The following PCP4 variants were observed in gnomAD, a reference collection of about 807,000 sequenced individuals.
PCP4 encodes Purkinje cell protein 4.
A neutral mutation model predicts 10.0 loss-of-function variants in PCP4; 8 were observed. The ratio of observed to expected loss-of-function variants is 0.80; its 90% CI spans 0.47 to 1.45. The LOEUF (loss-of-function observed/expected upper bound fraction) is 1.45. Ranked by LOEUF, PCP4 falls within the 40% of genes most tolerant of loss-of-function variation. The pLI is 0.00. For synonymous variants in PCP4, 21 were observed against 23.0 expected (o/e 0.91, Z 0.24); for missense variants, 54 against 74.4 (o/e 0.73, Z 1.01).
intron 1 of PCP4, among the ~76,000 whole-genome samples, chr21:39,894,736 T>C (rs1218265089): frequency 6.6e-6 from 1 of 152,208 alleles, no homozygotes; most frequent in African/African-American, 2.4e-5. Context: ...TCAATGATAA[T>C]AAATAATACT....
At chr21:39,896,138 A>C (rs561622060) in intron 1 of PCP4, among the ~76,000 whole-genome samples, 2 of 152,306 alleles carry the variant, frequency 1.3e-5, no homozygotes, top group East Asian at 3.9e-4. Context: ...GGTTTCTAAA[A>C]AGTGATCTTT....
At chr21:39,881,758 C>G (rs2087376670) in intron 1 of PCP4, among the ~76,000 whole-genome samples, 1 of 152,176 alleles carries the variant, frequency 6.6e-6, no homozygotes, top group African/African-American at 2.4e-5. Context: ...CCCAGATGGA[C>G]TGAGGCATAA....
chr21:39,914,979 A>T (rs1456618954), intron 2 of PCP4, among the ~76,000 whole-genome samples: 7 of 152,200 alleles, frequency 4.6e-5, no homozygotes, highest in Non-Finnish European at 7.3e-5. Context: ...AGAAACAAAT[A>T]GACCTAGTGC....
chr21:39,916,421 G>C (rs1601187484), intron 2 of PCP4, among the ~76,000 whole-genome samples: 1 of 152,268 alleles, frequency 6.6e-6, no homozygotes, highest in South Asian at 2.1e-4. Context: ...ACTCTTGTTG[G>C]ATTTGGAAGA....
chr21:39,873,729 C>T (rs1463594445), intron 1 of PCP4, among the ~76,000 whole-genome samples: 5 of 152,124 alleles, frequency 3.3e-5, no homozygotes, highest in Non-Finnish European at 5.9e-5. Context: ...TGGGAATGTT[C>T]GATAATGGAT....
rs750306398 is a variant in PCP4 at position 39,898,570 on chromosome 21, C to T, written c.61+43C>T. On this transcript the variant is annotated intron_variant, in intron 2 of 2. Coordinates refer to ENST00000328619, the MANE Select transcript of PCP4 (RefSeq NM_006198.3). ...GTCCAAGTTCTTTCTCTTTTGCCAT[C>T]TGCAGCCCTGGGTATGCAGCAGGTG... 6 of 1,496,306 alleles carry T rather than the reference C, an allele frequency of 4.0e-6. No individual in the cohort carries two copies. The East Asian group carries it at 1.4e-4, about 34-fold the overall frequency. 92.7% of individuals were successfully genotyped at this position (1,496,306 alleles called of 1,614,324 possible).
At chr21:39,928,858 G>A (rs554832374) in intron 2 of PCP4, 126 bp from the exon 3 acceptor site, 2 of 818,454 alleles carry the variant, frequency 2.4e-6, no homozygotes, top group Non-Finnish European at 3.9e-6. Flanking sequence ...TCTTGTCCTG[G>A]GGTGTAAGTT....
intron 1 of PCP4, among the ~76,000 whole-genome samples, chr21:39,888,039 G>T (rs981360913): frequency 7.2e-5 from 11 of 152,176 alleles, no homozygotes; most frequent in African/African-American, 2.7e-4. Context: ...GGAACTGCTT[G>T]TCGAGATGCT....
chr21:39,919,135 G>A (rs1234089900), intron 2 of PCP4, among the ~76,000 whole-genome samples: 1 of 152,112 alleles, frequency 6.6e-6, no homozygotes, highest in African/African-American at 2.4e-5. Context: ...TGTCTCTTTG[G>A]CTTTCTCTGC....
intron 2 of PCP4, chr21:39,926,032 C>G (rs1014499691): frequency 3.5e-5 from 16 of 456,082 alleles, no homozygotes; most frequent in Admixed American, 3.3e-4. Flanking sequence ...ATTGGTTGTC[C>G]CTTCTCCACT....
intron 2 of PCP4, among the ~76,000 whole-genome samples, chr21:39,910,836 C>T (rs2087536354): frequency 6.6e-6 from 1 of 152,218 alleles, no homozygotes; most frequent in South Asian, 2.1e-4. Context: ...TGCCAATAAA[C>T]CTCATCCGAC....
At chr21:39,894,671 T>G (rs933044685) in intron 1 of PCP4, among the ~76,000 whole-genome samples, 1 of 152,230 alleles carries the variant, frequency 6.6e-6, no homozygotes, top group Non-Finnish European at 1.5e-5. Context: ...CAGGGTTTGC[T>G]CTGAAGCCAA....
chr21:39,884,755 G>C (rs1463085868), intron 1 of PCP4, among the ~76,000 whole-genome samples: 1 of 152,008 alleles, frequency 6.6e-6, no homozygotes, highest in Non-Finnish European at 1.5e-5. Context: ...TGGAGATCAT[G>C]CCACTGCACT....
intron 1 of PCP4, among the ~76,000 whole-genome samples, chr21:39,897,118 G>A (rs1448085573): frequency 6.6e-6 from 1 of 152,108 alleles, no homozygotes; most frequent in African/African-American, 2.4e-5. Flanking sequence ...GGCTGGGCAT[G>A]GTGGCTCATG....
chr21:39,928,007 G>A (rs945033417), intron 2 of PCP4, among the ~76,000 whole-genome samples: 1 of 152,274 alleles, frequency 6.6e-6, no homozygotes, highest in East Asian at 1.9e-4. Context: ...CTGATGTTTA[G>A]CCTTCATCAG....
At chr21:39,892,742 AGT>A (rs2087438987) in intron 1 of PCP4, among the ~76,000 whole-genome samples, 1 of 152,114 alleles carries the variant, frequency 6.6e-6, no homozygotes, top group African/African-American at 2.4e-5. Context: ...ATTGTTTTAA[AGT>A]GTACAGTTAT....
At chr21:39,879,346 C>G (rs896861480) in intron 1 of PCP4, among the ~76,000 whole-genome samples, 1 of 152,092 alleles carries the variant, frequency 6.6e-6, no homozygotes, top group South Asian at 2.1e-4. Flanking sequence ...CCAAATACCT[C>G]CTTCAAGTTC....
intron 1 of PCP4, among the ~76,000 whole-genome samples, chr21:39,893,565 C>T (rs1203610581): frequency 6.6e-6 from 1 of 152,242 alleles, no homozygotes; most frequent in Non-Finnish European, 1.5e-5. Flanking sequence ...CCTCCTGTGG[C>T]CCCTCCAGAG....
chr21:39,910,840 A>G (rs1335992920), intron 2 of PCP4, among the ~76,000 whole-genome samples: 1 of 152,154 alleles, frequency 6.6e-6, no homozygotes, highest in African/African-American at 2.4e-5. Context: ...AATAAACCTC[A>G]TCCGACTCTT....
Sources: allele counts gnomAD v4.1 joint callset (sites outside exome capture counted in the v4.1 genomes callset), GRCh38; gene constraint gnomAD v4.1.1; transcripts MANE v1.5; gene names NCBI Gene and HGNC (gene_info 2026-07-23, HGNC 2026-07-21).